The following RFTN2 variants were observed in gnomAD, a reference collection of about 807,000 sequenced individuals.
RFTN2 encodes raftlin family member 2.
Under a neutral mutation model 52.7 loss-of-function variants are expected in RFTN2, and 34 were observed. The observed-to-expected ratio is 0.64, with a 90% CI of 0.49 to 0.86. The LOEUF (loss-of-function observed/expected upper bound fraction) is 0.86. RFTN2 is among the 40% of genes least tolerant of loss of function. RFTN2 has a pLI of 0.00. For missense variants in RFTN2, 536 were observed against 600.1 expected (o/e 0.89, Z 1.12); for synonymous variants, 203 against 217.7 (o/e 0.93, Z 0.59).
At chr2:197,577,198 C>T (rs1162079384) in intron 8 of RFTN2, among the ~76,000 whole-genome samples, 3 of 152,238 alleles carry the variant, frequency 2.0e-5, no homozygotes, top group Non-Finnish European at 4.4e-5. Flanking sequence ...CAACCTTGGG[C>T]ACATGTCATC....
intron 5 of RFTN2, among the ~76,000 whole-genome samples, chr2:197,630,680 G>T (rs777652393): frequency 2.0e-5 from 3 of 152,138 alleles, no homozygotes; most frequent in Non-Finnish European, 2.9e-5. Flanking sequence ...TAGTAAACAC[G>T]AAATGCCATC....
At chr2:197,610,347 G>T (rs1433961581) in intron 7 of RFTN2, among the ~76,000 whole-genome samples, 4 of 152,108 alleles carry the variant, frequency 2.6e-5, no homozygotes, top group African/African-American at 2.4e-5. Context: ...TTGTAAGTTG[G>T]ATTCCTAGGT....
At chr2:197,620,990 A>C (rs948966689) in intron 5 of RFTN2, among the ~76,000 whole-genome samples, 18 of 151,360 alleles carry the variant, frequency 1.2e-4, no homozygotes, top group Admixed American at 5.9e-4. Flanking sequence ...ACAAAACAGA[A>C]AAATGAAAAA....
At chr2:197,591,920 C>T (rs2106183201) in intron 8 of RFTN2, among the ~76,000 whole-genome samples, 1 of 152,156 alleles carries the variant, frequency 6.6e-6, no homozygotes. Context: ...TGCCCCGTGC[C>T]TCTCCCTCCA....
intron 3 of RFTN2, among the ~76,000 whole-genome samples, chr2:197,636,909 G>A (rs1269348293): frequency 2.4e-4 from 37 of 151,670 alleles, no homozygotes; most frequent in South Asian, 2.3e-3. Context: ...TTTGAAATAC[G>A]TCCCATCAAT....
chr2:197,599,161 G>C (rs2087841014), intron 7 of RFTN2, among the ~76,000 whole-genome samples: 1 of 151,844 alleles, frequency 6.6e-6, no homozygotes, highest in South Asian at 2.1e-4. Flanking sequence ...CCGTGGACTC[G>C]ATCTCCTGAC....
rs112339026 is a variant in RFTN2 at position 197,615,693 on chromosome 2, G to C, written c.1154+183C>G. Among the ~76,000 whole-genome samples the C allele has an allele frequency of 2.5e-4, 38 of 152,268 alleles. 2 individuals are homozygous for C. Among genetic ancestry groups the C allele is most frequent in the African/African-American group, 8.7e-4 (36 of 41,552 alleles). ...TGGATATGTGCTGCAGAGCCTAACAGCTTATACATCTATAATGCCAAGGAC... is the reference window on the plus strand; with the variant it reads ...TGGATATGTGCTGCAGAGCCTAACACCTTATACATCTATAATGCCAAGGAC... On this transcript the variant is annotated intron_variant, in intron 7 of 8. Coordinates refer to ENST00000295049, the MANE Select transcript of RFTN2 (RefSeq NM_144629.3).
intron 1 of RFTN2, among the ~76,000 whole-genome samples, chr2:197,652,345 C>A (rs1208544462): frequency 3.9e-5 from 6 of 152,134 alleles, no homozygotes; most frequent in Non-Finnish European, 5.9e-5. Flanking sequence ...TGAAAGAAAA[C>A]CCTAGCACTT....
intron 1 of RFTN2, among the ~76,000 whole-genome samples, chr2:197,650,262 A>G (rs957558908): frequency 6.6e-6 from 1 of 152,128 alleles, no homozygotes; most frequent in African/African-American, 2.4e-5. Flanking sequence ...CCCTATACCC[A>G]TTAAACAACT....
chr2:197,605,805 TA>T (rs1301952052), intron 7 of RFTN2, among the ~76,000 whole-genome samples: 1 of 152,166 alleles, frequency 6.6e-6, no homozygotes, highest in African/African-American at 2.4e-5. Context: ...GAAAATCATT[TA>T]CTATTCCAAG....
chr2:197,574,110 A>G (rs2087372710), intron 8 of RFTN2, among the ~76,000 whole-genome samples: 1 of 152,152 alleles, frequency 6.6e-6, no homozygotes, highest in Non-Finnish European at 1.5e-5. Flanking sequence ...TGCCTAGTGG[A>G]GCTGTGAGAA....
chr2:197,606,115 TA>T (rs574765753), intron 7 of RFTN2, among the ~76,000 whole-genome samples: 38 of 152,296 alleles, frequency 2.5e-4, no homozygotes, highest in African/African-American at 8.9e-4. Flanking sequence ...CAAACCATTG[TA>T]ATAGCTGAGA....
intron 4 of RFTN2, among the ~76,000 whole-genome samples, chr2:197,632,633 G>A (rs2088484994): frequency 6.6e-6 from 1 of 152,158 alleles, no homozygotes; most frequent in Non-Finnish European, 1.5e-5. Flanking sequence ...TTACATTGCA[G>A]AAAAATCAGG....
chr2:197,603,344 C>A (rs1289333051), intron 7 of RFTN2, among the ~76,000 whole-genome samples: 3 of 152,178 alleles, frequency 2.0e-5, no homozygotes, highest in South Asian at 2.1e-4. Context: ...AAAATTAAAA[C>A]CTTTTGTTAA....
intron 7 of RFTN2, among the ~76,000 whole-genome samples, chr2:197,608,864 T>C (rs966694671): frequency 6.6e-6 from 1 of 151,934 alleles, no homozygotes; most frequent in African/African-American, 2.4e-5. Context: ...CTCCCACTTA[T>C]TAGTGAGAAC....
chr2:197,597,983 A>G (rs2087819130), intron 7 of RFTN2, among the ~76,000 whole-genome samples: 1 of 152,146 alleles, frequency 6.6e-6, no homozygotes, highest in Non-Finnish European at 1.5e-5. Context: ...AGGGAAGGGG[A>G]GAAAAGTTTC....
At chr2:197,640,484 A>T (rs143534237) in intron 3 of RFTN2, among the ~76,000 whole-genome samples, 25,518 of 146,824 alleles carry the variant, frequency 0.17, 1,613 homozygotes, top group East Asian at 0.25. Context: ...TTCGGGTGGG[A>T]GTGACCCGAT....
At chr2:197,601,991 A>G (rs925308904) in intron 7 of RFTN2, among the ~76,000 whole-genome samples, 2 of 152,226 alleles carry the variant, frequency 1.3e-5, no homozygotes, top group Non-Finnish European at 2.9e-5. Context: ...GACTAGTACT[A>G]GTTGTAAAAA....
chr2:197,574,055 G>C (rs1467249871), intron 8 of RFTN2, among the ~76,000 whole-genome samples: 2 of 152,230 alleles, frequency 1.3e-5, no homozygotes, highest in Non-Finnish European at 2.9e-5. Flanking sequence ...GTGTGGAAGG[G>C]AATTGTGGGG....
Sources: gnomAD v4.1 joint callset for allele counts (sites outside exome capture counted in the v4.1 genomes callset) on GRCh38, gnomAD v4.1.1 for gene constraint, MANE v1.5 for transcripts, NCBI Gene and HGNC (gene_info 2026-07-23, HGNC 2026-07-21) for gene names.